The following ARID1B variants were observed in gnomAD, a reference collection of about 807,000 sequenced individuals.
ARID1B encodes the protein AT-rich interactive domain-containing protein 1B.
In ARID1B, 30 loss-of-function variants were observed where a neutral mutation model predicts 212.3. That is an observed-to-expected ratio of 0.14 (90% CI 0.11 to 0.19). The LOEUF (loss-of-function observed/expected upper bound fraction) is 0.19. Among genes scored for constraint, ARID1B ranks in the 10% least tolerant of loss-of-function variants. The probability of loss-of-function intolerance (pLI) is 1.00; values close to 1 mark genes in which losing one functional copy is unlikely to be tolerated. For synonymous variants in ARID1B, 1,402 were observed against 1,301.7 expected (o/e 1.08, Z -1.66); for missense variants, 2,891 against 3,204.0 (o/e 0.90, Z 2.36).
chr6:156,835,928 A>AGAT (rs891966829), intron 2 of ARID1B, among the ~76,000 whole-genome samples: 39 of 78,970 alleles, frequency 4.9e-4, no homozygotes, highest in African/African-American at 2.2e-3. Flanking sequence ...TTTTTTGTAG[A>AGAT]GACGTCTCAC....
chr6:156,777,354 G>C (rs1276157474), upstream of ARID1B: 3 of 151,526 alleles, frequency 2.0e-5, no homozygotes, highest in African/African-American at 7.2e-5. Flanking sequence ...GATAATAGTT[G>C]CTCGAGCTCG....
chr6:156,792,286 C>G (rs969157437), intron 1 of ARID1B, among the ~76,000 whole-genome samples: 1 of 152,128 alleles, frequency 6.6e-6, no homozygotes, highest in Non-Finnish European at 1.5e-5. Flanking sequence ...AAGTATCAGT[C>G]CTATGCAGCC....
Position 157,093,148 on chromosome 6 carries a change from A to G in ARID1B, c.2491+8243A>G, listed in dbSNP as rs143594030. 7.1e-3 allele frequency among the ~76,000 whole-genome samples: 1,083 copies of G among 152,306 alleles called. 14 individuals carry two copies. Among genetic ancestry groups the G allele is most frequent in the African/African-American group, 0.024 (1,004 of 41,554 alleles). Reference sequence around the variant, plus strand: ...CTTTTATGAACTAATTTTAGCCTAGAAGTAAAAAGTTTCAAAAATCACTTG... The same window carrying G: ...CTTTTATGAACTAATTTTAGCCTAGGAGTAAAAAGTTTCAAAAATCACTTG... On this transcript the variant is annotated intron_variant, in intron 5 of 19. Transcript: ENST00000636930.
rs374579063 is a variant in ARID1B, at chr6:156,863,280, G to T, written c.1986+33859G>T. Among the ~76,000 whole-genome samples, 5 of 152,126 alleles carry T rather than the reference G, an allele frequency of 3.3e-5. No homozygotes were observed. The South Asian group carries it at 6.2e-4, about 19-fold the overall frequency. ...GTGGGTAATAGAGATGAGAAGGAAA[G>T]GGGTGGCTTTAAATCTATTTAGAGG... On this transcript the variant is annotated intron_variant, in intron 2 of 19. Coordinates refer to ENST00000636930, the MANE Select transcript of ARID1B (RefSeq NM_001374828.1).
intron 1 of ARID1B, among the ~76,000 whole-genome samples, chr6:156,782,857 A>G (rs982081159): frequency 2.0e-5 from 3 of 152,176 alleles, no homozygotes; most frequent in African/African-American, 4.8e-5. Context: ...AAAAGAAAAT[A>G]TAACAAATGT....
chr6:156,862,144 CA>C (rs1785374642), intron 2 of ARID1B, among the ~76,000 whole-genome samples: 1 of 152,238 alleles, frequency 6.6e-6, no homozygotes, highest in Non-Finnish European at 1.5e-5. Context: ...AAATATGGGT[CA>C]GGGGAGTTGT....
intron 4 of ARID1B, among the ~76,000 whole-genome samples, chr6:157,037,795 G>A (rs1364347026): frequency 1.3e-5 from 2 of 152,112 alleles, no homozygotes; most frequent in Non-Finnish European, 2.9e-5. Context: ...GTGAACACAG[G>A]CCTGAGCTGG....
rs1467361409 is a variant in ARID1B, at chr6:157,196,022, C to T, written c.4232-143C>T. Reference sequence around the variant, plus strand: ...GTTGCAGTGAGCCAAGATCACACCACTGCATTAGCCTGGGCGACAGAGTGA... The same window carrying T: ...GTTGCAGTGAGCCAAGATCACACCATTGCATTAGCCTGGGCGACAGAGTGA... On this transcript the variant is annotated intron_variant, in intron 15 of 19. Transcript: ENST00000636930. 3.0e-6 allele frequency: 3 copies of T among 1,014,886 alleles called. No homozygotes were observed. In the Admixed American group the frequency reaches 8.9e-5, roughly 30 times the overall value. 62.9% of individuals were successfully genotyped at this position (1,014,886 alleles called of 1,614,324 possible).
chr6:157,121,149 C>G (rs1474424234), intron 6 of ARID1B, among the ~76,000 whole-genome samples: 3 of 152,152 alleles, frequency 2.0e-5, no homozygotes, highest in Non-Finnish European at 4.4e-5. Flanking sequence ...CCCAAATTTC[C>G]TAGTTTTGCT....
chr6:156,802,101 C>A (rs751243269), intron 1 of ARID1B, among the ~76,000 whole-genome samples: 6 of 152,216 alleles, frequency 3.9e-5, no homozygotes, highest in Admixed American at 6.5e-5. Context: ...CTCCTTCTCT[C>A]CTACCCAATT....
chr6:156,970,221 C>T (rs952477485), intron 4 of ARID1B, among the ~76,000 whole-genome samples: 1 of 151,964 alleles, frequency 6.6e-6, no homozygotes, highest in African/African-American at 2.4e-5. Flanking sequence ...GCTGGGATTA[C>T]AGGCGCCCAC....
intron 2 of ARID1B, among the ~76,000 whole-genome samples, chr6:156,873,575 C>T (rs1318417589): frequency 6.6e-6 from 1 of 152,282 alleles, no homozygotes; most frequent in African/African-American, 2.4e-5. Context: ...AAATGATCTG[C>T]GTTGATGCAG....
intron 1 of ARID1B, among the ~76,000 whole-genome samples, chr6:156,800,601 A>G (rs186323755): frequency 2.0e-5 from 3 of 152,086 alleles, no homozygotes; most frequent in Non-Finnish European, 4.4e-5. Context: ...AAGAAAAAAA[A>G]GCAAATAAAA....
At chr6:157,011,244 A>G (rs1415207631) in intron 4 of ARID1B, among the ~76,000 whole-genome samples, 4 of 152,242 alleles carry the variant, frequency 2.6e-5, no homozygotes, top group Non-Finnish European at 5.9e-5. Flanking sequence ...AAAGAGTTGG[A>G]AAAATGAACA....
intron 7 of ARID1B, among the ~76,000 whole-genome samples, chr6:157,142,402 T>C (rs1789425111): frequency 6.6e-6 from 1 of 152,114 alleles, no homozygotes; most frequent in African/African-American, 2.4e-5. Context: ...CGCGCGGGTA[T>C]ATTGTTTGAG....
intron 3 of ARID1B, among the ~76,000 whole-genome samples, chr6:156,923,696 T>A (rs1035312147): frequency 4.6e-5 from 7 of 152,048 alleles, no homozygotes; most frequent in African/African-American, 1.7e-4. Flanking sequence ...GTTCTATTAG[T>A]TGATTCTCTT....
intron 2 of ARID1B, among the ~76,000 whole-genome samples, chr6:156,839,249 CATG>C (rs1783725854): frequency 6.6e-6 from 1 of 152,150 alleles, no homozygotes; most frequent in Admixed American, 6.5e-5. Flanking sequence ...AGTTCAAAGG[CATG>C]GTGTTGGCCT....
intron 4 of ARID1B, among the ~76,000 whole-genome samples, chr6:157,070,721 AT>A (rs1783957765): frequency 6.6e-6 from 1 of 152,182 alleles, no homozygotes; most frequent in African/African-American, 2.4e-5. Context: ...GTTTTCAAGT[AT>A]TTTACATTGC....
rs111312930 is a variant in ARID1B, at chr6:157,056,906, T to A, written c.2248-27756T>A. ...TTGTTAAAACTTTTCTTCTTTTTTTTAAATAAGTTTAAGTTCAGGGGTACA... is the reference window on the plus strand; with the variant it reads ...TTGTTAAAACTTTTCTTCTTTTTTTAAAATAAGTTTAAGTTCAGGGGTACA... On this transcript the variant is annotated intron_variant, in intron 4 of 19. Coordinates refer to ENST00000636930, the MANE Select transcript of ARID1B (RefSeq NM_001374828.1). Among the ~76,000 whole-genome samples the A allele has an allele frequency of 1.7e-4, 26 of 152,218 alleles. No individual in the cohort carries two copies. The East Asian group carries it at 3.5e-3, about 20-fold the overall frequency.
Sources: allele counts gnomAD v4.1 joint callset (sites outside exome capture counted in the v4.1 genomes callset), GRCh38; gene constraint gnomAD v4.1.1; transcripts MANE v1.5; gene names NCBI Gene and HGNC (gene_info 2026-07-23, HGNC 2026-07-21).